The following NEIL2 variants were observed in gnomAD, a reference collection of about 807,000 sequenced individuals.
The protein encoded by NEIL2 is endonuclease 8-like 2.
In NEIL2, 23 loss-of-function variants were observed where a neutral mutation model predicts 22.2. The ratio of observed to expected loss-of-function variants is 1.04; its 90% CI spans 0.75 to 1.47. The LOEUF (loss-of-function observed/expected upper bound fraction) is 1.47. Among genes scored for constraint, NEIL2 ranks in the 40% most tolerant of loss-of-function variants. NEIL2 has a pLI of 0.00. For synonymous variants in NEIL2, 229 were observed against 164.8 expected (o/e 1.39, Z -2.99); for missense variants, 583 against 404.7 (o/e 1.44, Z -3.78).
chr8:11,785,555 G>C (rs569141528), intron 4 of NEIL2, among the ~76,000 whole-genome samples: 1 of 152,156 alleles, frequency 6.6e-6, no homozygotes, highest in Non-Finnish European at 1.5e-5. Context: ...TGTGCTCAGC[G>C]TCTTTTGGTG....
chr8:11,772,160 G>T (rs1394200945), intron 2 of NEIL2, among the ~76,000 whole-genome samples: 1 of 152,136 alleles, frequency 6.6e-6, no homozygotes, highest in Non-Finnish European at 1.5e-5. Flanking sequence ...ATGAGATTGT[G>T]CTACTGCACT....
At chr8:11,778,290 G>GTTGTTTTT (rs1804079907) in intron 2 of NEIL2, among the ~76,000 whole-genome samples, 1 of 130,302 alleles carries the variant, frequency 7.7e-6, no homozygotes, top group African/African-American at 2.9e-5. Context: ...TCCTTGCTCA[G>GTTGTTTTT]TTTTTTTTTT....
chr8:11,771,730 A>C, intron 2 of NEIL2, 145 bp downstream of exon 2: 7 of 788,868 alleles, frequency 8.9e-6, no homozygotes, highest in African/African-American at 3.4e-5. Context: ...TTTCAGTCTC[A>C]CGTGTCTCAG....
intron 2 of NEIL2, among the ~76,000 whole-genome samples, chr8:11,776,434 C>T (rs761618896): frequency 1.3e-5 from 2 of 152,194 alleles, no homozygotes; most frequent in Non-Finnish European, 2.9e-5. Context: ...TCAGTGATGT[C>T]CAGTCATCAG....
chr8:11,771,305 CA>C, intron 1 of NEIL2, 140 bp from the exon 2 acceptor site: 1 of 1,012,824 alleles, frequency 9.9e-7, no homozygotes, highest in South Asian at 1.3e-5. Flanking sequence ...GCCTCCCAGC[CA>C]CACTCCCTTT....
chr8:11,781,361 T>C (rs566766234), intron 3 of NEIL2, among the ~76,000 whole-genome samples: 1 of 152,308 alleles, frequency 6.6e-6, no homozygotes, highest in Admixed American at 6.5e-5. Flanking sequence ...TTTCCACGCA[T>C]TGGTTTTCTC....
At chr8:11,776,139 C>T (rs1455350344) in intron 2 of NEIL2, among the ~76,000 whole-genome samples, 1 of 152,200 alleles carries the variant, frequency 6.6e-6, no homozygotes, top group Non-Finnish European at 1.5e-5. Flanking sequence ...CACAATTCCA[C>T]ATGTCTGGGG....
At chr8:11,782,759 T>C (rs1804536631) in intron 3 of NEIL2, 2 of 272,842 alleles carry the variant, frequency 7.3e-6, no homozygotes, top group Non-Finnish European at 1.4e-5. Context: ...CAGAGTGTGC[T>C]CTGACTACGT....
intron 4 of NEIL2, among the ~76,000 whole-genome samples, chr8:11,784,967 C>A (rs1272550090): frequency 6.6e-6 from 1 of 151,716 alleles, no homozygotes; most frequent in Non-Finnish European, 1.5e-5. Flanking sequence ...CTCTGTGGCT[C>A]AAGCGATCCT....
At position 11,771,865 on chromosome 8, in the gene NEIL2, G is replaced by A. The variant is rs8191535; in HGVS notation, c.138+280G>A. ...CGGCCGCAGCTGATGGGCACCTTTGGCTGGGAACTGTGTTCTATTCCCCTG... is the reference window on the plus strand; with the variant it reads ...CGGCCGCAGCTGATGGGCACCTTTGACTGGGAACTGTGTTCTATTCCCCTG... On this transcript the variant is annotated intron_variant, in intron 2 of 4. Transcript: ENST00000284503. Among the ~76,000 whole-genome samples the A allele has an allele frequency of 6.8e-3, 1,034 of 152,300 alleles. 12 individuals are homozygous for A. Among genetic ancestry groups the A allele is most frequent in the South Asian group, 0.02 (97 of 4,826 alleles).
At chr8:11,772,098 G>T (rs1803503884) in intron 2 of NEIL2, among the ~76,000 whole-genome samples, 2 of 152,198 alleles carry the variant, frequency 1.3e-5, no homozygotes, top group Non-Finnish European at 2.9e-5. Flanking sequence ...AGCTGCTCGG[G>T]AAGCTGAGGC....
chr8:11,779,635 A>C lies in NEIL2; in HGVS notation c.176A>C (p.Asp59Ala). 1.2e-6 allele frequency: 2 copies of C among 1,613,540 alleles called. No homozygotes were observed. The highest frequency in any genetic ancestry group is 8.5e-7 in the Non-Finnish European group (1 of 1,179,894). Residue 59 changes from aspartate (D) to alanine (A), a missense_variant, in exon 3 of 5, where the codon GAT becomes GCT. Transcript: ENST00000284503. ...GKKLFLRFDL[D>A]EEMGPPGSSP... ...AAATTATTCCTTAGATTTGATCTAGATGAAGAAATGGGGCCCCCTGGCAGC... is the reference window on the plus strand; with the variant it reads ...AAATTATTCCTTAGATTTGATCTAGCTGAAGAAATGGGGCCCCCTGGCAGC...
intron 2 of NEIL2, among the ~76,000 whole-genome samples, chr8:11,772,321 C>T (rs1315570342): frequency 6.6e-6 from 1 of 152,238 alleles, no homozygotes; most frequent in Non-Finnish European, 1.5e-5. Context: ...GCCTTCTTAT[C>T]CTGCCCCAAA....
At chr8:11,783,111 G>T in intron 3 of NEIL2, 92 bp from the exon 4 acceptor site, 1 of 1,008,584 alleles carries the variant, frequency 9.9e-7, no homozygotes, top group Non-Finnish European at 1.6e-6. Flanking sequence ...ACGATGTGGG[G>T]ATGTGTGTAT....
At chr8:11,776,673 A>G (rs892102582) in intron 2 of NEIL2, among the ~76,000 whole-genome samples, 3 of 152,072 alleles carry the variant, frequency 2.0e-5, no homozygotes, top group East Asian at 1.9e-4. Flanking sequence ...ATGAGGACCA[A>G]TCCTTCCATT....
At chr8:11,780,159 A>T (rs1804285618) in intron 3 of NEIL2, among the ~76,000 whole-genome samples, 1 of 151,976 alleles carries the variant, frequency 6.6e-6, no homozygotes. Context: ...GTGCACCAAG[A>T]GGTGGCTGGG....
chr8:11,778,290 G>GTTTTTTTTTTT (rs34908835), intron 2 of NEIL2, among the ~76,000 whole-genome samples: 140 of 130,248 alleles, frequency 1.1e-3, no homozygotes, highest in Non-Finnish European at 1.9e-3. Context: ...TCCTTGCTCA[G>GTTTTTTTTTTT]TTTTTTTTTT....
Position 11,786,554 on chromosome 8 carries a change from A to C in NEIL2, c.*281A>C. 2.0e-6 allele frequency: 1 copy of C among 501,000 alleles called. No homozygotes were observed. Among genetic ancestry groups the C allele is most frequent in the Non-Finnish European group, 3.6e-6 (1 of 275,848 alleles). 31.0% of individuals were successfully genotyped at this position (501,000 alleles called of 1,614,324 possible). A position where few individuals can be genotyped will look rare whatever the true frequency, so the allele number is the denominator to read the frequency against. On this transcript the variant is annotated 3_prime_UTR_variant, in exon 5 of 5. Transcript: ENST00000284503. ...ATGGGTAAGGGGAAAACTTCCCGGA[A>C]GGCAATGGGGCAAGGAAAAAGAAAG...
At chr8:11,774,126 A>T (rs1803707445) in intron 2 of NEIL2, among the ~76,000 whole-genome samples, 1 of 152,196 alleles carries the variant, frequency 6.6e-6, no homozygotes, top group African/African-American at 2.4e-5. Flanking sequence ...CTGTAATCCC[A>T]GCACTTTGGG....
Sources: allele counts gnomAD v4.1 joint callset (sites outside exome capture counted in the v4.1 genomes callset), GRCh38; gene constraint gnomAD v4.1.1; transcripts MANE v1.5; gene names NCBI Gene and HGNC (gene_info 2026-07-23, HGNC 2026-07-21).